The following TSHZ2 variants were observed in gnomAD, a reference collection of about 807,000 sequenced individuals.
TSHZ2 encodes teashirt homolog 2.
TSHZ2 carries 21 observed loss-of-function variants against 74.4 expected under a neutral mutation model. That is an observed-to-expected ratio of 0.28 (90% CI 0.20 to 0.41). The LOEUF (loss-of-function observed/expected upper bound fraction) is 0.41, where lower values mean the gene tolerates loss of function less well. Among genes scored for constraint, TSHZ2 ranks in the 10% least tolerant of loss-of-function variants. TSHZ2 has a pLI of 1.00. For missense variants in TSHZ2, 1,244 were observed against 1,293.5 expected, an observed-to-expected ratio of 0.96 and a Z score of 0.59; for synonymous variants, 540 against 515.3, an observed-to-expected ratio of 1.05 and a Z score of -0.65.
chr20:53,435,713 C>A (rs1984030217), intron 2 of TSHZ2, among the ~76,000 whole-genome samples: 1 of 152,190 alleles, frequency 6.6e-6, no homozygotes, highest in Non-Finnish European at 1.5e-5. Context: ...CGTGGATTCA[C>A]CATATTGGTC....
chr20:53,359,508 T>G (rs1267987812), intron 2 of TSHZ2, among the ~76,000 whole-genome samples: 1 of 152,216 alleles, frequency 6.6e-6, no homozygotes, highest in Non-Finnish European at 1.5e-5. Context: ...GAAACTCACA[T>G]TTAACTGGGT....
chr20:53,078,857 G>A lies in TSHZ2; in HGVS notation c.40+105524G>A, dbSNP rs188022943. Among the ~76,000 whole-genome samples, 99 of 152,270 alleles carry A rather than the reference G, an allele frequency of 6.5e-4. 1 individual carries two copies. Among genetic ancestry groups the A allele is most frequent in the African/African-American group, 2.1e-3 (86 of 41,552 alleles). Reference sequence around the variant, plus strand: ...AGGTAAAAATCGTAATTCCATTTGGGAACTGTTAAGTTTGATGTTCAAGAG... The same window carrying A: ...AGGTAAAAATCGTAATTCCATTTGGAAACTGTTAAGTTTGATGTTCAAGAG... On this transcript the variant is annotated intron_variant, in intron 1 of 2. Transcript: ENST00000371497.
chr20:53,134,656 C>A (rs375667925), intron 1 of TSHZ2, among the ~76,000 whole-genome samples: 1 of 152,282 alleles, frequency 6.6e-6, no homozygotes, highest in African/African-American at 2.4e-5. Flanking sequence ...CTTAACAATT[C>A]GGCAGCTACA....
At chr20:53,451,796 A>C (rs1984794310) in intron 2 of TSHZ2, among the ~76,000 whole-genome samples, 1 of 152,214 alleles carries the variant, frequency 6.6e-6, no homozygotes, top group African/African-American at 2.4e-5. Flanking sequence ...ACTAAACTAT[A>C]AACTCCGTAA....
intron 1 of TSHZ2, among the ~76,000 whole-genome samples, chr20:53,081,897 C>CTTT (rs11449860): frequency 2.8e-5 from 4 of 142,976 alleles, no homozygotes; most frequent in African/African-American, 7.7e-5. Context: ...TATGTTTATT[C>CTTT]TTTTTTTTTT....
At chr20:53,107,763 T>C (rs1986420791) in intron 1 of TSHZ2, among the ~76,000 whole-genome samples, 2 of 152,154 alleles carry the variant, frequency 1.3e-5, no homozygotes, top group Non-Finnish European at 2.9e-5. Context: ...TGCAGAAGTA[T>C]TAATAGAGTA....
At chr20:53,162,613 C>T (rs1987970005) in intron 1 of TSHZ2, among the ~76,000 whole-genome samples, 1 of 152,208 alleles carries the variant, frequency 6.6e-6, no homozygotes, top group African/African-American at 2.4e-5. Context: ...ACTGCAGGGC[C>T]ATCAATCCTG....
intron 2 of TSHZ2, chr20:53,401,087 G>A (rs979632860): frequency 1.3e-5 from 2 of 152,218 alleles, no homozygotes; most frequent in African/African-American, 2.4e-5. Flanking sequence ...GCTGCCTGGT[G>A]TGTCAGGACA....
At chr20:53,442,986 T>C (rs944130964) in intron 2 of TSHZ2, among the ~76,000 whole-genome samples, 1 of 152,224 alleles carries the variant, frequency 6.6e-6, no homozygotes, top group East Asian at 1.9e-4. Context: ...TGGATGCTTT[T>C]TTAATAGCAT....
chr20:53,190,699 A>G lies in TSHZ2; in HGVS notation c.41-62800A>G, dbSNP rs143673995. The stretch of plus-strand genomic sequence containing the variant: ...AAGATTGATAGATGATGCAGTTTTA[A>G]TGTATGTGAAGTTCAAAACCAACAT... On this transcript the variant is annotated intron_variant, in intron 1 of 2. Transcript: ENST00000371497. Among the ~76,000 whole-genome samples, 595 of 152,322 alleles carry G rather than the reference A, an allele frequency of 3.9e-3. 4 individuals are homozygous for G. Among genetic ancestry groups the G allele is most frequent in the Non-Finnish European group, 5.9e-3 (398 of 68,018 alleles).
rs138467806 is a variant in TSHZ2, at chr20:53,138,362, C to T, written c.41-115137C>T. On this transcript the variant is annotated intron_variant, in intron 1 of 2. Coordinates refer to ENST00000371497, the MANE Select transcript of TSHZ2 (RefSeq NM_173485.6). Reference sequence around the variant, plus strand: ...TCAAGCCGCTGCACTCCAGCCTGGACGACAGAGCAAGACTCTTGTCTCAAA... The same window carrying T: ...TCAAGCCGCTGCACTCCAGCCTGGATGACAGAGCAAGACTCTTGTCTCAAA... Among the ~76,000 whole-genome samples, 768 of 148,682 alleles carry T rather than the reference C, an allele frequency of 5.2e-3. 6 individuals carry two copies. Among genetic ancestry groups the T allele is most frequent in the African/African-American group, 0.018 (733 of 40,270 alleles).
At chr20:53,153,228 G>A (rs1987716568) in intron 1 of TSHZ2, among the ~76,000 whole-genome samples, 2 of 152,202 alleles carry the variant, frequency 1.3e-5, no homozygotes, top group African/African-American at 2.4e-5. Flanking sequence ...CTGTAGCGAG[G>A]CAAGCATAAA....
intron 2 of TSHZ2, among the ~76,000 whole-genome samples, chr20:53,400,648 G>C (rs1001917067): frequency 6.6e-6 from 1 of 152,082 alleles, no homozygotes; most frequent in African/African-American, 2.4e-5. Context: ...ACTCTCTACT[G>C]CCTCACCTTC....
intron 2 of TSHZ2, among the ~76,000 whole-genome samples, chr20:53,478,944 C>G (rs904857701): frequency 1.3e-5 from 2 of 152,050 alleles, no homozygotes; most frequent in East Asian, 3.9e-4. Flanking sequence ...GTGGGTGGAT[C>G]ACTTCGGATC....
intron 2 of TSHZ2, among the ~76,000 whole-genome samples, chr20:53,447,140 A>G (rs960035057): frequency 2.6e-5 from 4 of 152,176 alleles, no homozygotes; most frequent in Non-Finnish European, 4.4e-5. Context: ...GCATAACCCA[A>G]CAGGAAATTA....
chr20:53,037,247 G>T (rs939452868), intron 1 of TSHZ2, among the ~76,000 whole-genome samples: 2 of 152,186 alleles, frequency 1.3e-5, no homozygotes, highest in Non-Finnish European at 2.9e-5. Flanking sequence ...GAGGCAGAAA[G>T]GGCTCCACGT....
At chr20:53,344,037 T>C (rs1424776328) in intron 2 of TSHZ2, among the ~76,000 whole-genome samples, 1 of 152,204 alleles carries the variant, frequency 6.6e-6, no homozygotes, top group Non-Finnish European at 1.5e-5. Context: ...TGTTTTCTTG[T>C]TCTCAAGCAA....
intron 2 of TSHZ2, among the ~76,000 whole-genome samples, chr20:53,461,165 T>A (rs1473903335): frequency 1.3e-5 from 2 of 150,418 alleles, no homozygotes; most frequent in South Asian, 2.1e-4. Flanking sequence ...CAGTTTGATC[T>A]CAGACTGCTG....
At chr20:53,345,960 C>T (rs1479471743) in intron 2 of TSHZ2, among the ~76,000 whole-genome samples, 1 of 152,130 alleles carries the variant, frequency 6.6e-6, no homozygotes, top group East Asian at 1.9e-4. Flanking sequence ...CGACCCACTC[C>T]GAGGACAGGG....
Sources: gnomAD v4.1 joint callset for allele counts (sites outside exome capture counted in the v4.1 genomes callset) on GRCh38, gnomAD v4.1.1 for gene constraint, MANE v1.5 for transcripts, NCBI Gene and HGNC (gene_info 2026-07-23, HGNC 2026-07-21) for gene names.